PIK3CD: variants seen among roughly 807,000 people sequenced by gnomAD.
The protein encoded by PIK3CD is phosphatidylinositol-4,5-bisphosphate 3-kinase catalytic subunit delta.
PIK3CD carries 20 observed loss-of-function variants against 122.9 expected under a neutral mutation model. The ratio of observed to expected loss-of-function variants is 0.16; its 90% CI spans 0.11 to 0.24. PIK3CD has a LOEUF of 0.24. Ranked by LOEUF, PIK3CD falls within the 10% of genes least tolerant of loss-of-function variation. PIK3CD has a pLI of 1.00. For missense variants in PIK3CD, 787 were observed against 1,406.3 expected, an observed-to-expected ratio of 0.56 and a Z score of 7.04; for synonymous variants, 596 against 593.4, an observed-to-expected ratio of 1.00 and a Z score of -0.06.
At chr1:9,685,494 G>C (rs1461305160) in intron 1 of PIK3CD, among the ~76,000 whole-genome samples, 1 of 151,884 alleles carries the variant, frequency 6.6e-6, no homozygotes, top group Non-Finnish European at 1.5e-5. Flanking sequence ...GAGTAGCTGG[G>C]ATCACAGGCA....
chr1:9,694,390 T>C (rs577058651), intron 2 of PIK3CD, among the ~76,000 whole-genome samples: 2 of 152,050 alleles, frequency 1.3e-5, no homozygotes, highest in African/African-American at 2.4e-5. Context: ...AAAAATTATC[T>C]GGGTGTGGTG....
chr1:9,722,020 C>T lies in PIK3CD; in HGVS notation c.2101C>T (p.Leu701=). ...GAAGGCCCTGAATGACTTCGTCAAG[C>T]TGAGCTCTCAGAAGACCCCCAAGCC... ...KLKALNDFVK[L]SSQKTPKPQT... The change falls in exon 17 of 24, where the codon CTG becomes TTG. Residue 701 remains leucine (L), a synonymous_variant. Transcript: ENST00000377346. The surrounding 1 kb of genome is among the most constrained non-coding windows in gnomAD (Gnocchi z 7.6). 2.5e-6 allele frequency: 4 copies of T among 1,613,738 alleles called. No individual in the cohort carries two copies. Among genetic ancestry groups the T allele is most frequent in the Non-Finnish European group, 3.4e-6 (4 of 1,180,032 alleles).
chr1:9,677,049 G>A (rs1201984794), intron 1 of PIK3CD, among the ~76,000 whole-genome samples: 2 of 152,142 alleles, frequency 1.3e-5, no homozygotes, highest in African/African-American at 4.8e-5. Context: ...TTCCTCTTTG[G>A]TTCAGAGCTT....
At chr1:9,682,687 T>C (rs1328695781) in intron 1 of PIK3CD, among the ~76,000 whole-genome samples, 1 of 151,676 alleles carries the variant, frequency 6.6e-6, no homozygotes, top group South Asian at 2.1e-4. Flanking sequence ...GTAGCTGGGA[T>C]TACAGGTGCA....
chr1:9,704,940 T>C lies in PIK3CD; in HGVS notation c.-32-5484T>C, dbSNP rs1171713232. On this transcript the variant is annotated intron_variant, in intron 2 of 23. Transcript: ENST00000377346. The surrounding 1 kb of genome is among the most constrained non-coding windows in gnomAD (Gnocchi z 5.0). ...CCAGCAGTGGCAGTGCCTAGAGATG[T>C]GCAGCTCTCGCTCCTCAGGGCAGCT... is the stretch of plus-strand genomic sequence containing the variant. Among the ~76,000 whole-genome samples the C allele has an allele frequency of 4.6e-5, 7 of 152,236 alleles. No individual in the cohort carries two copies. The highest frequency in any genetic ancestry group is 1.0e-4 in the Non-Finnish European group (7 of 68,040).
At chr1:9,725,262 G>T (rs759081477) in intron 23 of PIK3CD, among the ~76,000 whole-genome samples, 1 of 152,206 alleles carries the variant, frequency 6.6e-6, no homozygotes, top group African/African-American at 2.4e-5. Context: ...CCTTCTAAAA[G>T]ATATTTTTTG....
chr1:9,665,061 G>A (rs1038850133), intron 1 of PIK3CD, among the ~76,000 whole-genome samples: 1 of 151,904 alleles, frequency 6.6e-6, no homozygotes, highest in African/African-American at 2.4e-5. Flanking sequence ...ACAGTTAGCT[G>A]GGTGTGGTGG....
chr1:9,649,904 T>A (rs1180327454), upstream of PIK3CD, among the ~76,000 whole-genome samples: 1 of 152,206 alleles, frequency 6.6e-6, no homozygotes, highest in Non-Finnish European at 1.5e-5. Context: ...CCCGAGCCTC[T>A]CAGTCATGCC....
intron 2 of PIK3CD, among the ~76,000 whole-genome samples, chr1:9,697,512 A>G (rs922148933): frequency 1.8e-4 from 27 of 151,840 alleles, no homozygotes; most frequent in African/African-American, 6.3e-4. Flanking sequence ...TGGGCAACAT[A>G]GTGAGAACCT....
Position 9,719,997 on chromosome 1 carries a change from A to G in PIK3CD, c.1319A>G (p.Tyr440Cys), listed in dbSNP as rs1035624064. 2.2e-5 allele frequency: 36 copies of G among 1,613,632 alleles called. No individual in the cohort carries two copies. In the African/African-American group the frequency reaches 4.0e-4, roughly 18 times the overall value. The stretch of plus-strand genomic sequence containing the variant: ...CTTAAGACCGGGGAACGCTGCCTCT[A>G]CATGTGGCCCTCCGTCCCAGGTCGG... ...DQLKTGERCL[Y>C]MWPSVPDEKG... is the part of the protein sequence containing the mutation. The change falls in exon 10 of 24, where the codon TAC (tyrosine) becomes TGC (cysteine). Residue 440 changes from tyrosine (Y) to cysteine (C), a missense_variant. Coordinates refer to ENST00000377346, the MANE Select transcript of PIK3CD (RefSeq NM_005026.5). This position sits in a 1 kb window ranked among gnomAD's most constrained non-coding sequence, Gnocchi z 5.5.
chr1:9,653,497 G>A (rs189897062), intron 1 of PIK3CD: 66 of 256,342 alleles, frequency 2.6e-4, no homozygotes, highest in African/African-American at 1.4e-3. Context: ...GCCGTTGCTT[G>A]CGGGGGAAGG....
chr1:9,683,953 T>C (rs1645868056), intron 1 of PIK3CD, among the ~76,000 whole-genome samples: 1 of 152,188 alleles, frequency 6.6e-6, no homozygotes, highest in African/African-American at 2.4e-5. Context: ...TGCCTTCACA[T>C]GGTTTCTCCT....
In PIK3CD at chr1:9,671,865, C is replaced by T. The variant is rs144492066; in HGVS notation, c.-137-19602C>T. On this transcript the variant is annotated intron_variant, in intron 1 of 23. Coordinates refer to ENST00000377346, the MANE Select transcript of PIK3CD (RefSeq NM_005026.5). ...CCTCTCCCAGGGTGGTGGCAAGAGC[C>T]GCCCCTGGCCCCACTCAAGGGGCCT... Among the ~76,000 whole-genome samples, 33 of 152,280 alleles carry T rather than the reference C, an allele frequency of 2.2e-4. No individual in the cohort carries two copies. The East Asian group carries it at 5.8e-3, about 27-fold the overall frequency.
In PIK3CD at chr1:9,722,631, C is replaced by T; in HGVS notation, c.2426+25C>T. Reference sequence around the variant, plus strand: ...GGTGAGGACCCCCACCCCACATCGTCCCTTGGTGTCTGTGCCCAGCCTGGG... The same window carrying T: ...GGTGAGGACCCCCACCCCACATCGTTCCTTGGTGTCTGTGCCCAGCCTGGG... On this transcript the variant is annotated intron_variant, in intron 19 of 23. Transcript: ENST00000377346. The surrounding 1 kb of genome is among the most constrained non-coding windows in gnomAD (Gnocchi z 7.6). 1 of 1,593,072 alleles carries T rather than the reference C, an allele frequency of 6.3e-7. No homozygotes were observed. Among genetic ancestry groups the T allele is most frequent in the Non-Finnish European group, 8.6e-7 (1 of 1,161,274 alleles).
Position 9,710,276 on chromosome 1 carries a change from G to A in PIK3CD, c.-32-148G>A. ...CACCCTGGGCAGGACGAGGCCCTGA[G>A]GGAGGTGAGCTTTTTGTACCCGCAG... is the stretch of plus-strand genomic sequence containing the variant. On this transcript the variant is annotated intron_variant, in intron 2 of 23. Coordinates refer to ENST00000377346, the MANE Select transcript of PIK3CD (RefSeq NM_005026.5). The surrounding 1 kb of genome is among the most constrained non-coding windows in gnomAD (Gnocchi z 4.7). 1.4e-6 allele frequency: 1 copy of A among 697,664 alleles called. No homozygotes were observed. The highest frequency in any genetic ancestry group is 2.6e-6 in the Non-Finnish European group (1 of 389,404). 43.2% of individuals were successfully genotyped at this position (697,664 alleles called of 1,614,324 possible).
the PIK3CD span, among the ~76,000 whole-genome samples, chr1:9,640,445 T>G: frequency 1.1e-4 from 16 of 151,318 alleles, no homozygotes; most frequent in Admixed American, 8.6e-4. Flanking sequence ...CTAGGCGTGG[T>G]GGTGGGCGCC....
rs749687214 is a variant in PIK3CD at position 9,717,101 on chromosome 1, C to T, written c.923C>T (p.Ala308Val). ...KPRAKPPPIP[A>V]KKPSSVSLWS... is the part of the protein sequence containing the mutation. The stretch of plus-strand genomic sequence containing the variant: ...CGTGCCAAACCACCTCCCATTCCTG[C>T]GAAGAAGGTGAGATGGCGCCTTCCG... The change falls in exon 7 of 24, where the codon GCG becomes GTG. Residue 308 changes from alanine to valine, a missense_variant. Coordinates refer to ENST00000377346, the MANE Select transcript of PIK3CD (RefSeq NM_005026.5). The surrounding 1 kb of genome is among the most constrained non-coding windows in gnomAD (Gnocchi z 5.4). 45 of 1,613,812 alleles carry T rather than the reference C, an allele frequency of 2.8e-5. No individual in the cohort carries two copies. The Middle Eastern group carries it at 1.2e-3, about 41-fold the overall frequency.
At chr1:9,667,462 C>T (rs568264985) in intron 1 of PIK3CD, among the ~76,000 whole-genome samples, 32 of 151,602 alleles carry the variant, frequency 2.1e-4, no homozygotes, top group Non-Finnish European at 3.8e-4. Flanking sequence ...CTGCAAGCTC[C>T]GCCTCCCGGG....
In PIK3CD at chr1:9,699,237, G is replaced by T. The variant is rs187413075; in HGVS notation, c.-33+7666G>T. ...AACCGTGCCAAAAAAAGAGTAGGCT[G>T]CTGGGATGAGTTCGGGCATTTCGGG... On this transcript the variant is annotated intron_variant, in intron 2 of 23. Coordinates refer to ENST00000377346, the MANE Select transcript of PIK3CD (RefSeq NM_005026.5). Among the ~76,000 whole-genome samples the T allele has an allele frequency of 1.6e-4, 25 of 152,238 alleles. No individual in the cohort carries two copies. The East Asian group carries it at 4.2e-3, about 26-fold the overall frequency.
Sources: allele counts gnomAD v4.1 joint callset (sites outside exome capture counted in the v4.1 genomes callset), GRCh38; gene constraint gnomAD v4.1.1; non-coding constraint Gnocchi (gnomAD v3.1); transcripts MANE v1.5; gene names NCBI Gene and HGNC (gene_info 2026-07-23, HGNC 2026-07-21).